CARMIL1: variants seen among roughly 807,000 people sequenced by gnomAD.
CARMIL1 encodes capping protein regulator and myosin 1 linker 1.
A neutral mutation model predicts 177.1 loss-of-function variants in CARMIL1; 90 were observed. That is an observed-to-expected ratio of 0.51 (90% CI 0.43 to 0.61). CARMIL1 has a LOEUF of 0.61. Ranked by LOEUF, CARMIL1 falls within the 20% of genes least tolerant of loss-of-function variation. CARMIL1 has a pLI of 0.00. For synonymous variants in CARMIL1, 577 were observed against 606.2 expected, an observed-to-expected ratio of 0.95 and a Z score of 0.71; for missense variants, 1,380 against 1,667.0, an observed-to-expected ratio of 0.83 and a Z score of 3.00.
At chr6:25,385,071 G>A (rs1264371196) in intron 2 of CARMIL1, among the ~76,000 whole-genome samples, 1 of 152,188 alleles carries the variant, frequency 6.6e-6, no homozygotes, top group African/African-American at 2.4e-5. Context: ...TTCGGTGAGA[G>A]AGGAAAGTTG....
intron 2 of CARMIL1, among the ~76,000 whole-genome samples, chr6:25,360,140 C>T (rs1039710048): frequency 2.6e-5 from 4 of 152,078 alleles, no homozygotes; most frequent in East Asian, 1.9e-4. Flanking sequence ...ATTGTCTTCC[C>T]GCTTACAGTA....
At chr6:25,503,565 A>G (rs572848191) in intron 17 of CARMIL1, among the ~76,000 whole-genome samples, 4 of 152,302 alleles carry the variant, frequency 2.6e-5, no homozygotes, top group Admixed American at 6.5e-5. Context: ...TGTAGAGTTT[A>G]TGTAATCCTC....
At chr6:25,338,892 T>C (rs1008561948) in intron 2 of CARMIL1, among the ~76,000 whole-genome samples, 3 of 152,222 alleles carry the variant, frequency 2.0e-5, no homozygotes. Flanking sequence ...ATGCTGAGAG[T>C]TGAAGGGTGA....
rs74625312 is a variant in CARMIL1, at chr6:25,429,011, T to C, written c.249+2451T>C. The stretch of plus-strand genomic sequence containing the variant: ...TTTTATTTTTAACATGGGTGCCTTT[T>C]ATTTCTTTGTCTAGTCTTATTGCTA... On this transcript the variant is annotated intron_variant, in intron 4 of 36. Coordinates refer to ENST00000329474, the MANE Select transcript of CARMIL1 (RefSeq NM_017640.6). Among the ~76,000 whole-genome samples the C allele has an allele frequency of 1.1e-3, 173 of 152,326 alleles. 1 individual carries two copies. The highest frequency in any genetic ancestry group is 4.1e-3 in the African/African-American group (171 of 41,574).
intron 21 of CARMIL1, among the ~76,000 whole-genome samples, chr6:25,516,889 A>G (rs1806057587): frequency 6.6e-6 from 1 of 152,206 alleles, no homozygotes; most frequent in African/African-American, 2.4e-5. Context: ...GATTCTCTCT[A>G]GTGTTTTAGA....
Position 25,604,777 on chromosome 6 carries a change from G to T in CARMIL1, c.3553-35G>T, listed in dbSNP as rs574563272. 8.0e-5 allele frequency: 118 copies of T among 1,482,690 alleles called. No individual in the cohort carries two copies. In the Admixed American group the frequency reaches 2.2e-3, roughly 28 times the overall value. 91.8% of individuals were successfully genotyped at this position (1,482,690 alleles called of 1,614,324 possible). A position where few individuals can be genotyped will look rare whatever the true frequency, so the allele number is the denominator to read the frequency against. On this transcript the variant is annotated intron_variant, in intron 33 of 36. Coordinates refer to ENST00000329474, the MANE Select transcript of CARMIL1 (RefSeq NM_017640.6). ...TTTCACTTTTGCATTAAATAAATGT[G>T]CACTTTTTGGGGGGATGGTGCTTGA...
chr6:25,444,617 T>G (rs1375067476), intron 5 of CARMIL1, among the ~76,000 whole-genome samples: 2 of 152,206 alleles, frequency 1.3e-5, no homozygotes, highest in East Asian at 3.8e-4. Flanking sequence ...AGTGAGAAGA[T>G]GCGGTGTTTG....
At chr6:25,421,479 A>T (rs1348478648) in intron 3 of CARMIL1, among the ~76,000 whole-genome samples, 1 of 152,194 alleles carries the variant, frequency 6.6e-6, no homozygotes, top group Admixed American at 6.5e-5. Context: ...TTCCTCAGGG[A>T]TCTAGAACTA....
chr6:25,438,406 A>C (rs952829143), intron 5 of CARMIL1, among the ~76,000 whole-genome samples: 2 of 152,250 alleles, frequency 1.3e-5, no homozygotes, highest in African/African-American at 4.8e-5. Flanking sequence ...AGGGAAATAC[A>C]TAAATCAAGT....
chr6:25,420,063 C>T, intron 2 of CARMIL1, 51 bp from the exon 3 acceptor site: 4 of 1,456,474 alleles, frequency 2.7e-6, no homozygotes, highest in South Asian at 2.3e-5. Flanking sequence ...CCAAAGCCCA[C>T]TGGCCCCACT....
chr6:25,451,986 G>GGGGGGGGGGGGGGGGGGGGGGGGGCCC, intron 8 of CARMIL1: 1 of 112,672 alleles, frequency 8.9e-6, no homozygotes, highest in African/African-American at 7.3e-5. Flanking sequence ...CTAGCATCTT[G>GGGGGGGGGGGGGGGGGGGGGGGGGCCC]CCCCCCCCTC....
At chr6:25,348,651 G>A (rs780271671) in intron 2 of CARMIL1, among the ~76,000 whole-genome samples, 55 of 151,940 alleles carry the variant, frequency 3.6e-4, no homozygotes, top group African/African-American at 8.2e-4. Flanking sequence ...GCGTGGCTGC[G>A]TGTGCCTGTA....
intron 27 of CARMIL1, among the ~76,000 whole-genome samples, chr6:25,553,260 T>C (rs1023092701): frequency 2.6e-5 from 4 of 152,218 alleles, no homozygotes; most frequent in Non-Finnish European, 5.9e-5. Flanking sequence ...TTTGTACATA[T>C]ATCCATTAAG....
chr6:25,417,652 G>A (rs1795478335), intron 2 of CARMIL1, among the ~76,000 whole-genome samples: 1 of 152,074 alleles, frequency 6.6e-6, no homozygotes, highest in South Asian at 2.1e-4. Flanking sequence ...GCAGGATTGA[G>A]TAGTAACATA....
intron 2 of CARMIL1, among the ~76,000 whole-genome samples, chr6:25,398,100 T>TTA (rs1793581196): frequency 6.6e-6 from 1 of 152,158 alleles, no homozygotes; most frequent in Non-Finnish European, 1.5e-5. Flanking sequence ...GAATGTTGGG[T>TTA]TACTGCAAAA....
chr6:25,547,449 C>CA (rs1353335098), intron 26 of CARMIL1, among the ~76,000 whole-genome samples: 4 of 151,874 alleles, frequency 2.6e-5, no homozygotes, highest in South Asian at 2.1e-4. Flanking sequence ...GTAGATGAAC[C>CA]AAAAAAACAG....
intron 17 of CARMIL1, among the ~76,000 whole-genome samples, chr6:25,506,284 C>T (rs1252594989): frequency 2.6e-5 from 4 of 152,230 alleles, no homozygotes; most frequent in Non-Finnish European, 2.9e-5. Context: ...TGATGGCTCA[C>T]GCCTGTCATC....
chr6:25,403,297 C>A (rs1398354536), intron 2 of CARMIL1, among the ~76,000 whole-genome samples: 1 of 152,168 alleles, frequency 6.6e-6, no homozygotes, highest in Non-Finnish European at 1.5e-5. Context: ...TATATCTGGT[C>A]TGACCACCTC....
intron 23 of CARMIL1, among the ~76,000 whole-genome samples, chr6:25,523,703 C>A (rs1341714179): frequency 3.9e-5 from 6 of 152,170 alleles, no homozygotes; most frequent in African/African-American, 1.2e-4. Flanking sequence ...AAACCAATGA[C>A]TTTTCTTAGA....
Sources: allele counts gnomAD v4.1 joint callset (sites outside exome capture counted in the v4.1 genomes callset), GRCh38; gene constraint gnomAD v4.1.1; transcripts MANE v1.5; gene names NCBI Gene and HGNC (gene_info 2026-07-23, HGNC 2026-07-21).